Variants in TAMM41 observed in about 807,000 individuals in gnomAD.
TAMM41 encodes the protein phosphatidate cytidylyltransferase, mitochondrial.
In TAMM41, 36 loss-of-function variants were observed where a neutral mutation model predicts 44.1. The ratio of observed to expected loss-of-function variants is 0.82; its 90% CI spans 0.63 to 1.08. TAMM41 has a LOEUF of 1.08. Among genes scored for constraint, TAMM41 ranks in the 50% least tolerant of loss-of-function variants. The pLI, the probability that TAMM41 is intolerant of heterozygous loss-of-function variation, is 0.00. For synonymous variants in TAMM41, 164 were observed against 153.1 expected, an observed-to-expected ratio of 1.07 and a Z score of -0.53; for missense variants, 417 against 404.3, an observed-to-expected ratio of 1.03 and a Z score of -0.27.
At chr3:11,805,010 T>G (rs372511340) in intron 7 of TAMM41, among the ~76,000 whole-genome samples, 15,815 of 138,560 alleles carry the variant, frequency 0.11, 2,110 homozygotes, top group East Asian at 0.47. Flanking sequence ...TTTTTTTTTT[T>G]TTTTTTTTTT....
the TAMM41 span, among the ~76,000 whole-genome samples, chr3:11,746,897 A>G: frequency 2.0e-5 from 3 of 152,128 alleles, no homozygotes; most frequent in Admixed American, 6.5e-5. Context: ...CGACCTCCCA[A>G]TGCACTGGGA....
At chr3:11,806,113 A>G (rs1422647215) in intron 7 of TAMM41, among the ~76,000 whole-genome samples, 3 of 152,206 alleles carry the variant, frequency 2.0e-5, no homozygotes, top group African/African-American at 7.2e-5. Context: ...AGCCATGTGG[A>G]ACTGCTAATC....
At chr3:11,825,777 G>C (rs535316469) in intron 4 of TAMM41, among the ~76,000 whole-genome samples, 1 of 152,008 alleles carries the variant, frequency 6.6e-6, no homozygotes, top group Non-Finnish European at 1.5e-5. Context: ...TCTGATCTAA[G>C]TACTCAGCTA....
At chr3:11,776,016 A>AT in the TAMM41 span, among the ~76,000 whole-genome samples, 5,201 of 130,916 alleles carry the variant, frequency 0.04, 127 homozygotes, top group Non-Finnish European at 0.042. Flanking sequence ...TAATTAATTA[A>AT]TTTTTTTTTT....
chr3:11,829,023 T>C (rs2221072), intron 4 of TAMM41, among the ~76,000 whole-genome samples: 2,311 of 152,210 alleles, frequency 0.015, 51 homozygotes, highest in African/African-American at 0.045. Context: ...AAAAGATAGA[T>C]GGGGGCTCCT....
chr3:11,729,162 G>T, the TAMM41 span, among the ~76,000 whole-genome samples: 3 of 152,062 alleles, frequency 2.0e-5, no homozygotes, highest in Non-Finnish European at 4.4e-5. Context: ...CATCTGAGTG[G>T]CATCTAACAC....
chr3:11,821,273 T>C (rs1175694701), intron 4 of TAMM41, among the ~76,000 whole-genome samples: 1 of 152,234 alleles, frequency 6.6e-6, no homozygotes, highest in African/African-American at 2.4e-5. Context: ...GAAAGAATTA[T>C]ACAACTCACC....
chr3:11,768,511 T>C, the TAMM41 span, among the ~76,000 whole-genome samples: 3 of 152,234 alleles, frequency 2.0e-5, no homozygotes, highest in Admixed American at 6.5e-5. Context: ...AATTTTATGT[T>C]AGAATAGAAG....
At chr3:11,722,200 A>G in the TAMM41 span, among the ~76,000 whole-genome samples, 2 of 152,200 alleles carry the variant, frequency 1.3e-5, no homozygotes, top group African/African-American at 4.8e-5. Context: ...TCATGGGGAC[A>G]GAAGACCTTT....
chr3:11,776,708 C>A, the TAMM41 span, among the ~76,000 whole-genome samples: 1 of 152,170 alleles, frequency 6.6e-6, no homozygotes, highest in Non-Finnish European at 1.5e-5. Flanking sequence ...TTAAGTGACA[C>A]GTGACTGCAG....
At chr3:11,729,646 C>T in the TAMM41 span, among the ~76,000 whole-genome samples, 2 of 145,894 alleles carry the variant, frequency 1.4e-5, no homozygotes, top group African/African-American at 5.1e-5. Flanking sequence ...CTGCAACCTC[C>T]ACCTCCTGGT....
the TAMM41 span, among the ~76,000 whole-genome samples, chr3:11,755,521 A>G: frequency 6.6e-6 from 1 of 152,140 alleles, no homozygotes; most frequent in African/African-American, 2.4e-5. Context: ...CCTGTTAAGG[A>G]GCTGGGGAAA....
the TAMM41 span, among the ~76,000 whole-genome samples, chr3:11,748,426 C>A: frequency 6.6e-6 from 1 of 151,484 alleles, no homozygotes; most frequent in Non-Finnish European, 1.5e-5. Flanking sequence ...GAACTACAGG[C>A]GGCTGCCACC....
At chr3:11,785,061 T>C in the TAMM41 span, among the ~76,000 whole-genome samples, 1 of 152,116 alleles carries the variant, frequency 6.6e-6, no homozygotes, top group Non-Finnish European at 1.5e-5. Flanking sequence ...TTACATATGA[T>C]TGAAGGGTGG....
the TAMM41 span, among the ~76,000 whole-genome samples, chr3:11,784,778 G>C: frequency 6.7e-6 from 1 of 150,140 alleles, no homozygotes; most frequent in Non-Finnish European, 1.5e-5. Flanking sequence ...AGAAAAGTGA[G>C]AACACTTCTT....
chr3:11,766,224 T>C, the TAMM41 span, among the ~76,000 whole-genome samples: 1 of 151,210 alleles, frequency 6.6e-6, no homozygotes, highest in Admixed American at 6.6e-5. Flanking sequence ...GAGTGCGGAG[T>C]GAGGACCACG....
chr3:11,749,745 C>T, the TAMM41 span, among the ~76,000 whole-genome samples: 5 of 152,090 alleles, frequency 3.3e-5, no homozygotes, highest in Non-Finnish European at 7.3e-5. Context: ...CCTGGAGATC[C>T]GCTGGGTCTG....
chr3:11,787,691 T>G (rs1327987283), downstream of TAMM41, among the ~76,000 whole-genome samples: 1 of 152,182 alleles, frequency 6.6e-6, no homozygotes, highest in East Asian at 1.9e-4. Context: ...GTCATTTAAT[T>G]CTAACACCAA....
At chr3:11,752,064 T>C in the TAMM41 span, among the ~76,000 whole-genome samples, 2 of 152,094 alleles carry the variant, frequency 1.3e-5, no homozygotes, top group Admixed American at 1.3e-4. Context: ...AACAAGGTCA[T>C]TGTGTGTCCG....
Sources: gnomAD v4.1 joint callset for allele counts (sites outside exome capture counted in the v4.1 genomes callset) on GRCh38, gnomAD v4.1.1 for gene constraint, MANE v1.5 for transcripts, NCBI Gene and HGNC (gene_info 2026-07-23, HGNC 2026-07-21) for gene names.